CCDC174: variants seen among roughly 807,000 people sequenced by gnomAD.
CCDC174 encodes coiled-coil domain-containing protein 174.
In CCDC174, 37 loss-of-function variants were observed where a neutral mutation model predicts 57.1. The ratio of observed to expected loss-of-function variants is 0.65; its 90% CI spans 0.50 to 0.85. The LOEUF (loss-of-function observed/expected upper bound fraction) is 0.85, where lower values mean the gene tolerates loss of function less well. CCDC174 is among the 40% of genes least tolerant of loss of function. CCDC174 has a pLI of 0.00. For synonymous variants in CCDC174, 182 were observed against 190.2 expected (o/e 0.96, Z 0.35); for missense variants, 540 against 574.3 (o/e 0.94, Z 0.61).
At chr3:14,652,941 C>T (rs1199164598) in intron 1 of CCDC174, among the ~76,000 whole-genome samples, 3 of 151,780 alleles carry the variant, frequency 2.0e-5, no homozygotes, top group African/African-American at 7.3e-5. Context: ...TAGTGATAGA[C>T]CCTTTCTCAC....
At position 14,671,766 on chromosome 3, in the gene CCDC174, A is replaced by T. The variant is rs1253826483; in HGVS notation, c.*572A>T. 2 of 152,990 alleles carry T rather than the reference A, an allele frequency of 1.3e-5. No individual in the cohort carries two copies. Among genetic ancestry groups the T allele is most frequent in the Non-Finnish European group, 2.9e-5 (2 of 68,662 alleles). 9.5% of individuals were successfully genotyped at this position (152,990 alleles called of 1,614,324 possible). A position where few individuals can be genotyped will look rare whatever the true frequency, so the allele number is the denominator to read the frequency against. On this transcript the variant is annotated 3_prime_UTR_variant, in exon 11 of 11. Transcript: ENST00000383794. ...AGAAAGGTAGAAGTGGGAGTTGTTT[A>T]CTTAATTTTACTGTCATACCATGCT...
At chr3:14,666,123 G>T (rs985015865) in intron 6 of CCDC174, among the ~76,000 whole-genome samples, 1 of 151,708 alleles carries the variant, frequency 6.6e-6, no homozygotes, top group African/African-American at 2.4e-5. Flanking sequence ...AAGGACAGGA[G>T]ACACCACTCA....
At chr3:14,663,971 T>C (rs2031234429) in intron 5 of CCDC174, among the ~76,000 whole-genome samples, 1 of 152,166 alleles carries the variant, frequency 6.6e-6, no homozygotes, top group Non-Finnish European at 1.5e-5. Flanking sequence ...TTCCAGGTGG[T>C]AGAAAATCTT....
chr3:14,658,813 G>A (rs2031038082), intron 3 of CCDC174, 58 bp from the exon 4 acceptor site: 2 of 1,504,070 alleles, frequency 1.3e-6, no homozygotes, highest in African/African-American at 1.4e-5. Flanking sequence ...GAGTGTGGGG[G>A]CAACCAGGAT....
chr3:14,664,942 C>T (rs1476823243), intron 5 of CCDC174, 86 bp from the exon 6 acceptor site: 3 of 913,032 alleles, frequency 3.3e-6, no homozygotes, highest in African/African-American at 1.6e-5. Context: ...GGCCTATCTT[C>T]CCCCTTCACT....
Position 14,671,278 on chromosome 3 carries a change from G to C in CCDC174, c.*84G>C. 7.3e-7 allele frequency: 1 copy of C among 1,369,398 alleles called. No homozygotes were observed. The highest frequency in any genetic ancestry group is 1.4e-5 in the African/African-American group (1 of 69,476). The allele number at this position is 1,369,398 out of a possible 1,614,324, so 84.8% of individuals were successfully genotyped here. A position where few individuals can be genotyped will look rare whatever the true frequency, so the allele number is the denominator to read the frequency against. On this transcript the variant is annotated 3_prime_UTR_variant, in exon 11 of 11. Coordinates refer to ENST00000383794, the MANE Select transcript of CCDC174 (RefSeq NM_016474.5). The stretch of plus-strand genomic sequence containing the variant: ...GAGAAATAACTTTAGGAACTGAATT[G>C]TACCTTTGTCCTGTCCTTTCCCTAG...
rs538949361 is a variant in CCDC174, at chr3:14,651,832, C to T, written c.-5C>T. On this transcript the variant is annotated 5_prime_UTR_variant, in exon 1 of 11. It adds an upstream start codon to the 5' untranslated region. Transcript: ENST00000383794. ...CTTCCTGGACCGGGACCCTCTGCCACGACCATGGACCGTAGGAAAAAGCCT... is the reference window on the plus strand; with the variant it reads ...CTTCCTGGACCGGGACCCTCTGCCATGACCATGGACCGTAGGAAAAAGCCT... 1 of 1,614,126 alleles carries T rather than the reference C, an allele frequency of 6.2e-7. No homozygotes were observed. Among genetic ancestry groups the T allele is most frequent in the African/African-American group, 1.3e-5 (1 of 75,052 alleles).
In CCDC174 at chr3:14,658,867, C is replaced by T. The variant is rs1314342472; in HGVS notation, c.249-4C>T. The T allele has an allele frequency of 1.9e-6, 3 of 1,542,596 alleles. No individual in the cohort carries two copies. The highest frequency in any genetic ancestry group is 2.7e-6 in the Non-Finnish European group (3 of 1,130,248). On this transcript the variant is annotated splice_polypyrimidine_tract_variant and splice_region_variant and intron_variant, in intron 3 of 10. Coordinates refer to ENST00000383794, the MANE Select transcript of CCDC174 (RefSeq NM_016474.5). The stretch of plus-strand genomic sequence containing the variant: ...TTCTAATACTTGTATTTTTTTTCTC[C>T]TAGGGAAAAATTGGAAGAAAAAGCC...
intron 3 of CCDC174, among the ~76,000 whole-genome samples, 184 bp from the exon 4 acceptor site, chr3:14,658,687 C>T (rs2031034976): frequency 6.6e-6 from 1 of 152,176 alleles, no homozygotes; most frequent in Non-Finnish European, 1.5e-5. Flanking sequence ...TTTTCCTTGG[C>T]AGAGCAGACA....
chr3:14,655,654 A>C, intron 3 of CCDC174, 25 bp downstream of exon 3: 1 of 1,470,024 alleles, frequency 6.8e-7, no homozygotes, highest in Non-Finnish European at 9.4e-7. Context: ...TCTGGTAAAT[A>C]TAGTTAGCTT....
chr3:14,663,262 C>T (rs2031212478), intron 5 of CCDC174, among the ~76,000 whole-genome samples: 1 of 152,208 alleles, frequency 6.6e-6, no homozygotes, highest in South Asian at 2.1e-4. Context: ...CTGCCTGGGC[C>T]TCCCAAAGTG....
chr3:14,657,954 A>G (rs796929483), intron 3 of CCDC174, among the ~76,000 whole-genome samples: 4 of 152,254 alleles, frequency 2.6e-5, no homozygotes, highest in African/African-American at 7.2e-5. Context: ...TTTTCTTTTC[A>G]TTAAAACAGT....
intron 3 of CCDC174, among the ~76,000 whole-genome samples, chr3:14,657,637 GCT>G (rs2124833676): frequency 6.6e-6 from 1 of 152,268 alleles, no homozygotes; most frequent in African/African-American, 2.4e-5. Context: ...TTTCTCACGT[GCT>G]CTCATCCCTG....
intron 7 of CCDC174, 54 bp downstream of exon 7, chr3:14,667,001 G>A (rs1031864036): frequency 2.1e-6 from 3 of 1,446,312 alleles, no homozygotes; most frequent in Non-Finnish European, 2.8e-6. Flanking sequence ...TTAAACTGAT[G>A]GCAAACATAA....
At chr3:14,659,135 G>A (rs1049728514) in intron 4 of CCDC174, among the ~76,000 whole-genome samples, 1 of 152,122 alleles carries the variant, frequency 6.6e-6, no homozygotes, top group African/African-American at 2.4e-5. Flanking sequence ...TGCCTGGAAG[G>A]GACAAACAAG....
In CCDC174 at chr3:14,671,418, A is replaced by C. The variant is rs1426847393; in HGVS notation, c.*224A>C. On this transcript the variant is annotated 3_prime_UTR_variant, in exon 11 of 11. Coordinates refer to ENST00000383794, the MANE Select transcript of CCDC174 (RefSeq NM_016474.5). ...TAGGGACATACCTACCTGGATTTAC[A>C]TGTGAGCTGCGATAGAATAGAAGTA... 9 of 527,906 alleles carry C rather than the reference A, an allele frequency of 1.7e-5. No individual in the cohort carries two copies. Among genetic ancestry groups the C allele is most frequent in the Non-Finnish European group, 2.3e-5 (7 of 298,960 alleles). 32.7% of individuals were successfully genotyped at this position (527,906 alleles called of 1,614,324 possible).
chr3:14,666,653 G>T, intron 6 of CCDC174, 152 bp from the exon 7 acceptor site: 2 of 553,744 alleles, frequency 3.6e-6, no homozygotes, highest in Non-Finnish European at 6.1e-6. Flanking sequence ...CTGTTTTATT[G>T]ATTTTCCAGC....
Position 14,665,058 on chromosome 3 carries a change from C to T in CCDC174, c.516C>T (p.Ser172=). The T allele has an allele frequency of 6.2e-7, 1 of 1,613,976 alleles. No homozygotes were observed. The highest frequency in any genetic ancestry group is 2.2e-5 in the East Asian group (1 of 44,884). The part of the protein sequence containing the change: ...WVDYVDSLGR[S]RRCMRKDLPD... ...ATTACGTGGACTCTTTGGGGCGTTC[C>T]CGGCGCTGTATGAGAAAGGATTTGC... The change falls in exon 6 of 11, where the codon TCC becomes TCT. Residue 172 remains serine (S), a synonymous_variant. Coordinates refer to ENST00000383794, the MANE Select transcript of CCDC174 (RefSeq NM_016474.5).
intron 5 of CCDC174, among the ~76,000 whole-genome samples, chr3:14,664,061 A>G (rs1305012602): frequency 6.6e-6 from 1 of 151,804 alleles, no homozygotes; most frequent in East Asian, 1.9e-4. Flanking sequence ...GGGGAAAAAA[A>G]GGAAGAAAGA....
Sources: allele counts gnomAD v4.1 joint callset (sites outside exome capture counted in the v4.1 genomes callset), GRCh38; gene constraint gnomAD v4.1.1; transcripts MANE v1.5; gene names NCBI Gene and HGNC (gene_info 2026-07-23, HGNC 2026-07-21).